Variants in SAP130 observed in about 807,000 individuals in gnomAD.
SAP130 encodes histone deacetylase complex subunit SAP130.
SAP130 carries 16 observed loss-of-function variants against 103.2 expected under a neutral mutation model. The ratio of observed to expected loss-of-function variants is 0.16; its 90% CI spans 0.10 to 0.24. The LOEUF (loss-of-function observed/expected upper bound fraction) is 0.24, where lower values mean the gene tolerates loss of function less well. Among genes scored for constraint, SAP130 ranks in the 10% least tolerant of loss-of-function variants. The pLI, the probability that SAP130 is intolerant of heterozygous loss-of-function variation, is 1.00. For synonymous variants in SAP130, 477 were observed against 497.0 expected, an observed-to-expected ratio of 0.96 and a Z score of 0.53; for missense variants, 990 against 1,359.7, an observed-to-expected ratio of 0.73 and a Z score of 4.28.
At chr2:127,974,815 AAAAT>A (rs1407425159) in intron 15 of SAP130, among the ~76,000 whole-genome samples, 1 of 152,194 alleles carries the variant, frequency 6.6e-6, no homozygotes, top group East Asian at 1.9e-4. Context: ...CTCTGTCTCA[AAAAT>A]AAATAAAGAT....
intron 7 of SAP130, among the ~76,000 whole-genome samples, chr2:128,009,051 A>G (rs1684194176): frequency 6.6e-6 from 1 of 151,854 alleles, no homozygotes; most frequent in Non-Finnish European, 1.5e-5. Flanking sequence ...ACTGTCCTCC[A>G]CCCTGTTAGG....
intron 14 of SAP130, among the ~76,000 whole-genome samples, chr2:127,978,470 T>TATA (rs1681631738): frequency 1.3e-5 from 2 of 152,174 alleles, no homozygotes; most frequent in Non-Finnish European, 2.9e-5. Context: ...CTATGGTGTT[T>TATA]ATAAAGACCC....
Position 128,025,003 on chromosome 2 carries a change from C to CAAAAAAAAAAAAAAAAAAAAAA in SAP130, c.112+1177_112+1178insTTTTTTTTTTTTTTTTTTTTTT, listed in dbSNP as rs35797540. Among the ~76,000 whole-genome samples, 2 of 100,272 alleles carry CAAAAAAAAAAAAAAAAAAAAAA rather than the reference C, an allele frequency of 2.0e-5. 1 individual carries two copies. The highest frequency in any genetic ancestry group is 6.9e-5 in the African/African-American group (2 of 28,964). 65.8% of individuals were successfully genotyped at this position (100,272 alleles called of 152,430 possible). On this transcript the variant is annotated intron_variant, in intron 2 of 20. Coordinates refer to ENST00000643581, the MANE Select transcript of SAP130 (RefSeq NM_001330301.2). ...AGTGACAGAGTGAGACCCTATTGCGCAAAAAAAAAAAAAAAAAAGCCTCAG... is the reference window on the plus strand; with the variant it reads ...AGTGACAGAGTGAGACCCTATTGCGCAAAAAAAAAAAAAAAAAAAAAAAAAAAAAAAAAAAAAAAAGCCTCAG...
At chr2:128,020,142 T>C (rs1685053841) in intron 2 of SAP130, among the ~76,000 whole-genome samples, 1 of 152,182 alleles carries the variant, frequency 6.6e-6, no homozygotes, top group South Asian at 2.1e-4. Flanking sequence ...AAATTTTGGG[T>C]TTTTATTCAT....
chr2:128,026,752 A>G (rs1254307608), intron 1 of SAP130, among the ~76,000 whole-genome samples: 1 of 152,256 alleles, frequency 6.6e-6, no homozygotes, highest in South Asian at 2.1e-4. Flanking sequence ...AAAAGATCCG[A>G]TATCTTACAT....
At chr2:127,954,936 G>C (rs201381780) in intron 16 of SAP130, 50 bp downstream of exon 16, 3 of 1,364,464 alleles carry the variant, frequency 2.2e-6, no homozygotes, top group East Asian at 4.6e-5. Flanking sequence ...GAGAATTAGG[G>C]AAGGGGAAGA....
At chr2:128,011,734 T>C (rs1684409614) in intron 6 of SAP130, among the ~76,000 whole-genome samples, 1 of 152,176 alleles carries the variant, frequency 6.6e-6, no homozygotes, top group South Asian at 2.1e-4. Context: ...TTAAACCCAG[T>C]TGTTTCATAC....
intron 14 of SAP130, among the ~76,000 whole-genome samples, chr2:127,984,687 A>C (rs982804598): frequency 2.0e-5 from 3 of 152,204 alleles, no homozygotes; most frequent in Non-Finnish European, 2.9e-5. Flanking sequence ...AGCTGAAAGC[A>C]GGGAGTGGAC....
Position 128,016,460 on chromosome 2 carries a change from C to T in SAP130, c.436G>A (p.Val146Ile), listed in dbSNP as rs754143601. The T allele has an allele frequency of 2.5e-6, 4 of 1,614,066 alleles. No individual in the cohort carries two copies. Among genetic ancestry groups the T allele is most frequent in the Non-Finnish European group, 3.4e-6 (4 of 1,179,984 alleles). ...LSLPPKVPGQ[V>I]TVTMESSIPQ... ...ATGCTACTCTCCATGGTAACGGTAA[C>T]CTGCCCTGGAACCTTGGGGGGAAGT... The change falls in exon 4 of 21, where the codon GTT becomes ATT. Residue 146 changes from valine (V) to isoleucine (I), a missense_variant. This residue lies in a region of SAP130 where 167 missense variants were observed against 187.4 expected (regional missense o/e 0.89). Coordinates refer to ENST00000643581, the MANE Select transcript of SAP130 (RefSeq NM_001330301.2).
At chr2:127,998,125 A>G (rs1212814192) in intron 10 of SAP130, among the ~76,000 whole-genome samples, 1 of 152,032 alleles carries the variant, frequency 6.6e-6, no homozygotes, top group African/African-American at 2.4e-5. Flanking sequence ...AAAAAAGAAA[A>G]AAAACCATAC....
intron 14 of SAP130, among the ~76,000 whole-genome samples, chr2:127,981,895 AGTC>A (rs1681964470): frequency 1.3e-5 from 2 of 152,048 alleles, no homozygotes; most frequent in Admixed American, 6.6e-5. Context: ...ACCCTGCTAT[AGTC>A]TGTAAGGGGG....
chr2:127,983,569 G>A (rs80345703), intron 14 of SAP130, among the ~76,000 whole-genome samples: 3 of 152,182 alleles, frequency 2.0e-5, no homozygotes, highest in Admixed American at 6.5e-5. Flanking sequence ...GCAAGAAGGC[G>A]TGGAGAAAGA....
rs1440885302 is a variant in SAP130, at chr2:128,016,392, T to C, written c.504A>G (p.Gln168=). The C allele has an allele frequency of 1.2e-6, 2 of 1,610,750 alleles. No individual in the cohort carries two copies. The highest frequency in any genetic ancestry group is 1.3e-5 in the African/African-American group (1 of 74,890). Residue 168 remains glutamine, a synonymous_variant, in exon 4 of 21, where the codon CAA becomes CAG. Coordinates refer to ENST00000643581, the MANE Select transcript of SAP130 (RefSeq NM_001330301.2). ...GCAAATTAAAAGGAAGAAAAACCTG[T>C]TGTCCACTGATTGTTGCCACAGGAA... ...SAIPVATISG[Q]QGHPSNLHHI... is the part of the protein sequence containing the mutation.
In SAP130 at chr2:127,942,321, T is replaced by C; in HGVS notation, c.3015+103A>G. The C allele has an allele frequency of 9.2e-7, 1 of 1,088,528 alleles. No homozygotes were observed. Among genetic ancestry groups the C allele is most frequent in the Non-Finnish European group, 1.4e-6 (1 of 723,634 alleles). The allele number at this position is 1,088,528 out of a possible 1,614,324, so 67.4% of individuals were successfully genotyped here. A position where few individuals can be genotyped will look rare whatever the true frequency, so the allele number is the denominator to read the frequency against. ...AGTGCAGGCTGAAGCACGTATGTTTTTACTGAAGATATGAGGGAGACGGGG... is the reference window on the plus strand; with the variant it reads ...AGTGCAGGCTGAAGCACGTATGTTTCTACTGAAGATATGAGGGAGACGGGG... On this transcript the variant is annotated intron_variant, in intron 20 of 20. Coordinates refer to ENST00000643581, the MANE Select transcript of SAP130 (RefSeq NM_001330301.2). This position sits in a 1 kb window ranked among gnomAD's most constrained non-coding sequence, Gnocchi z 4.8.
intron 11 of SAP130, among the ~76,000 whole-genome samples, chr2:127,994,722 C>T (rs894566544): frequency 6.6e-6 from 1 of 152,196 alleles, no homozygotes; most frequent in Non-Finnish European, 1.5e-5. Flanking sequence ...GGTGCCACTG[C>T]ACTCCAGCCT....
rs138340831 is a variant in SAP130, at chr2:128,024,266, G to T, written c.112+1915C>A. On this transcript the variant is annotated intron_variant, in intron 2 of 20. Transcript: ENST00000643581. ...GGCCTAGGCGGGAGGATTCCTTGAGGCCAGGAGTTTGAGACAAGCCTGGTC... is the reference window on the plus strand; with the variant it reads ...GGCCTAGGCGGGAGGATTCCTTGAGTCCAGGAGTTTGAGACAAGCCTGGTC... Among the ~76,000 whole-genome samples the T allele has an allele frequency of 3.4e-4, 51 of 152,008 alleles. 1 individual carries two copies. In the South Asian group the frequency reaches 6.4e-3, roughly 19 times the overall value.
intron 2 of SAP130, among the ~76,000 whole-genome samples, chr2:128,021,153 GA>G (rs746958237): frequency 6.6e-6 from 1 of 151,806 alleles, no homozygotes; most frequent in African/African-American, 2.4e-5. Context: ...AGTGCTGGAT[GA>G]AAAGAGTGAT....
chr2:127,945,613 G>A lies in SAP130; in HGVS notation c.2798-54C>T, dbSNP rs185702827. 5.3e-6 allele frequency: 6 copies of A among 1,124,388 alleles called. No individual in the cohort carries two copies. In the African/African-American group the frequency reaches 7.6e-5, roughly 14 times the overall value. The allele number at this position is 1,124,388 out of a possible 1,614,324, so 69.7% of individuals were successfully genotyped here. On this transcript the variant is annotated intron_variant, in intron 18 of 20. Coordinates refer to ENST00000643581, the MANE Select transcript of SAP130 (RefSeq NM_001330301.2). ...TATTTCAGTGTTTAAAAAGGTAAAT[G>A]ATTTGTGTTCGAGCAGTGTAAATGC...
Position 127,942,393 on chromosome 2 carries a change from G to A in SAP130, c.3015+31C>T. ...TTACAGAAAGCAACTTCATAAAGTA[G>A]ATGATCAGAAGGGAAGGGGCGCACT... On this transcript the variant is annotated intron_variant, in intron 20 of 20. Coordinates refer to ENST00000643581, the MANE Select transcript of SAP130 (RefSeq NM_001330301.2). This position sits in a 1 kb window ranked among gnomAD's most constrained non-coding sequence, Gnocchi z 4.8. The A allele has an allele frequency of 6.9e-7, 1 of 1,454,828 alleles. No homozygotes were observed. The highest frequency in any genetic ancestry group is 9.7e-7 in the Non-Finnish European group (1 of 1,035,486). 90.1% of individuals were successfully genotyped at this position (1,454,828 alleles called of 1,614,324 possible).
Sources: allele counts gnomAD v4.1 joint callset (sites outside exome capture counted in the v4.1 genomes callset), GRCh38; gene constraint gnomAD v4.1.1; regional missense constraint gnomAD v4.1.1; non-coding constraint Gnocchi (gnomAD v3.1); transcripts MANE v1.5; gene names NCBI Gene and HGNC (gene_info 2026-07-23, HGNC 2026-07-21).